PPP2R2C: variants seen among roughly 807,000 people sequenced by gnomAD.
PPP2R2C encodes the protein protein phosphatase 2, regulatory subunit B, gamma.
In PPP2R2C, 10 loss-of-function variants were observed where a neutral mutation model predicts 45.3. The observed-to-expected ratio is 0.22, with a 90% CI of 0.14 to 0.37. The LOEUF (loss-of-function observed/expected upper bound fraction) is 0.37. PPP2R2C is among the 10% of genes least tolerant of loss of function. PPP2R2C has a pLI of 1.00. For missense variants in PPP2R2C, 308 were observed against 619.7 expected, an observed-to-expected ratio of 0.50 and a Z score of 5.34; for synonymous variants, 257 against 245.4, an observed-to-expected ratio of 1.05 and a Z score of -0.44.
At chr4:6,370,720 G>C (rs1357706942) in intron 5 of PPP2R2C, among the ~76,000 whole-genome samples, 1 of 152,186 alleles carries the variant, frequency 6.6e-6, no homozygotes, top group Non-Finnish European at 1.5e-5. Context: ...AGCCCCTGAA[G>C]CCACCTGGCC....
In PPP2R2C at chr4:6,472,578, C is replaced by A. The variant is rs1721970785; in HGVS notation, c.-349G>T. 1 of 146,426 alleles carries A rather than the reference C, an allele frequency of 6.8e-6. No homozygotes were observed. Among genetic ancestry groups the A allele is most frequent in the African/African-American group, 2.5e-5 (1 of 40,814 alleles). 9.1% of individuals were successfully genotyped at this position (146,426 alleles called of 1,614,324 possible). A position where few individuals can be genotyped will look rare whatever the true frequency, so the allele number is the denominator to read the frequency against. ...CGGCGGCGAGGGGACGCGCGCGGCG[C>A]TGCGCTGCGCCGACCAAGCCGGGGC... On this transcript the variant is annotated 5_prime_UTR_variant, in exon 1 of 9. Transcript: ENST00000382599.
intron 1 of PPP2R2C, among the ~76,000 whole-genome samples, chr4:6,439,127 G>T (rs1198442400): frequency 6.6e-6 from 1 of 152,236 alleles, no homozygotes; most frequent in Non-Finnish European, 1.5e-5. Flanking sequence ...CTAGAAACAG[G>T]TAGAAGAGAT....
intron 1 of PPP2R2C, among the ~76,000 whole-genome samples, chr4:6,423,198 G>A (rs1211603586): frequency 1.3e-5 from 2 of 152,252 alleles, no homozygotes; most frequent in Admixed American, 6.5e-5. Context: ...GGGTTTTCTT[G>A]TTTTAGTTTT....
chr4:6,477,882 C>A (rs1046069609), intron 2 of PPP2R2C, among the ~76,000 whole-genome samples: 6 of 152,124 alleles, frequency 3.9e-5, no homozygotes, highest in African/African-American at 1.4e-4. Context: ...AGCTCTCCAG[C>A]CCTTCCCCTC....
At chr4:6,520,911 G>C (rs10002158) in intron 2 of PPP2R2C, among the ~76,000 whole-genome samples, 76,754 of 152,134 alleles carry the variant, frequency 0.5, 19,714 homozygotes, top group Admixed American at 0.58. Context: ...GGAAGTGGCC[G>C]AATGGAGACT....
At chr4:6,481,045 C>G (rs1005920649) in intron 2 of PPP2R2C, among the ~76,000 whole-genome samples, 3 of 152,152 alleles carry the variant, frequency 2.0e-5, no homozygotes, top group African/African-American at 7.2e-5. Flanking sequence ...TAATTGTATC[C>G]TCTGCTGTTT....
intron 1 of PPP2R2C, among the ~76,000 whole-genome samples, chr4:6,448,830 G>A (rs576287250): frequency 6.6e-6 from 1 of 152,194 alleles, no homozygotes; most frequent in African/African-American, 2.4e-5. Context: ...GGGACGTGCT[G>A]CAATGAGCCA....
At chr4:6,462,030 G>A (rs1224249284) in intron 1 of PPP2R2C, among the ~76,000 whole-genome samples, 3 of 152,188 alleles carry the variant, frequency 2.0e-5, no homozygotes, top group Non-Finnish European at 2.9e-5. Flanking sequence ...ACCCAGGCAC[G>A]GCCTGGCTGG....
chr4:6,550,403 G>A (rs549449208), intron 1 of PPP2R2C, among the ~76,000 whole-genome samples: 68 of 152,088 alleles, frequency 4.5e-4, no homozygotes, highest in East Asian at 7.8e-4. Flanking sequence ...GCTTCCTCCC[G>A]GGAAGGCTAC....
chr4:6,518,988 A>G (rs1276862998), intron 2 of PPP2R2C, among the ~76,000 whole-genome samples: 1 of 151,792 alleles, frequency 6.6e-6, no homozygotes, highest in Non-Finnish European at 1.5e-5. Context: ...AAATGGAACC[A>G]ACAATTTAAT....
chr4:6,374,570 A>G (rs1715141399), intron 4 of PPP2R2C, among the ~76,000 whole-genome samples: 1 of 152,226 alleles, frequency 6.6e-6, no homozygotes, highest in Non-Finnish European at 1.5e-5. Context: ...ACAGAGGTGA[A>G]GGCCAGTAGG....
chr4:6,473,665 C>T (rs944924803), upstream of PPP2R2C, among the ~76,000 whole-genome samples: 1 of 152,180 alleles, frequency 6.6e-6, no homozygotes, highest in African/African-American at 2.4e-5. Context: ...GTAATGGCCT[C>T]CACTTGTTTC....
chr4:6,491,581 A>G (rs1222461621), intron 2 of PPP2R2C, among the ~76,000 whole-genome samples: 1 of 152,230 alleles, frequency 6.6e-6, no homozygotes, highest in Non-Finnish European at 1.5e-5. Context: ...GGCCAGTGAT[A>G]TAAGTTGGCT....
chr4:6,444,147 G>A (rs973128855), intron 1 of PPP2R2C, among the ~76,000 whole-genome samples: 3 of 152,026 alleles, frequency 2.0e-5, no homozygotes, highest in African/African-American at 7.2e-5. Context: ...CCACAGAATC[G>A]ACAAGGATTG....
intron 6 of PPP2R2C, among the ~76,000 whole-genome samples, chr4:6,342,810 G>C (rs887133281): frequency 1.6e-4 from 24 of 152,218 alleles, no homozygotes; most frequent in African/African-American, 5.8e-4. Flanking sequence ...GGAACAGAGT[G>C]GCCTGTGTGC....
At chr4:6,393,727 C>T (rs890434714) in intron 1 of PPP2R2C, among the ~76,000 whole-genome samples, 8 of 152,158 alleles carry the variant, frequency 5.3e-5, no homozygotes, top group Admixed American at 2.0e-4. Context: ...AGGTGGGGCC[C>T]GCCCGATGGA....
At chr4:6,326,009 C>T (rs1056240998) in intron 8 of PPP2R2C, among the ~76,000 whole-genome samples, 2 of 152,224 alleles carry the variant, frequency 1.3e-5, no homozygotes, top group South Asian at 2.1e-4. Flanking sequence ...CACTGCACTC[C>T]CTATCCCTGT....
chr4:6,434,420 G>A (rs1719792551), intron 1 of PPP2R2C, among the ~76,000 whole-genome samples: 2 of 148,006 alleles, frequency 1.4e-5, no homozygotes, highest in South Asian at 2.1e-4. Context: ...GTGCAGTGGC[G>A]TGATCTCGGC....
At chr4:6,513,907 GAATAACTTAAGGA>G (rs1171623281) in intron 2 of PPP2R2C, among the ~76,000 whole-genome samples, 1 of 152,206 alleles carries the variant, frequency 6.6e-6, no homozygotes, top group Non-Finnish European at 1.5e-5. Context: ...CTCCGGTTCA[GAATAACTTAAGGA>G]AATATTTTGC....
Sources: gnomAD v4.1 joint callset for allele counts (sites outside exome capture counted in the v4.1 genomes callset) on GRCh38, gnomAD v4.1.1 for gene constraint, MANE v1.5 for transcripts, NCBI Gene and HGNC (gene_info 2026-07-23, HGNC 2026-07-21) for gene names.